The following ZMYM4 variants were observed in gnomAD, a reference collection of about 807,000 sequenced individuals.
The protein encoded by ZMYM4 is zinc finger MYM-type containing 4, also known as zinc finger MYM-type protein 4.
A neutral mutation model predicts 183.2 loss-of-function variants in ZMYM4; 31 were observed. The observed-to-expected ratio is 0.17, with a 90% CI of 0.13 to 0.23. ZMYM4 has a LOEUF of 0.23. Among genes scored for constraint, ZMYM4 ranks in the 10% least tolerant of loss-of-function variants. The probability of loss-of-function intolerance (pLI) is 1.00; values close to 1 mark genes in which losing one functional copy is unlikely to be tolerated. For missense variants in ZMYM4, 1,273 were observed against 1,840.3 expected, an observed-to-expected ratio of 0.69 and a Z score of 5.64; for synonymous variants, 592 against 631.2, an observed-to-expected ratio of 0.94 and a Z score of 0.93.
At chr1:35,326,641 G>A (rs1642514661) in intron 2 of ZMYM4, among the ~76,000 whole-genome samples, 1 of 152,158 alleles carries the variant, frequency 6.6e-6, no homozygotes, top group Non-Finnish European at 1.5e-5. Flanking sequence ...CAGGGCACAA[G>A]GCAGGAACCA....
chr1:35,352,675 C>T (rs1218726536), intron 2 of ZMYM4, among the ~76,000 whole-genome samples: 2 of 152,072 alleles, frequency 1.3e-5, no homozygotes, highest in Non-Finnish European at 2.9e-5. Flanking sequence ...TCAGGCACTC[C>T]CTCCTATTTT....
At chr1:35,371,279 C>A (rs928416814) in intron 7 of ZMYM4, among the ~76,000 whole-genome samples, 1 of 152,004 alleles carries the variant, frequency 6.6e-6, no homozygotes, top group Admixed American at 6.6e-5. Context: ...CCATGCCCAG[C>A]TAATTTTTTC....
At chr1:35,284,205 T>C (rs1034768513) in intron 1 of ZMYM4, among the ~76,000 whole-genome samples, 1 of 151,840 alleles carries the variant, frequency 6.6e-6, no homozygotes, top group Non-Finnish European at 1.5e-5. Context: ...CTCGATCTCC[T>C]GACCTCATGA....
intron 1 of ZMYM4, among the ~76,000 whole-genome samples, chr1:35,282,267 T>G (rs1640212757): frequency 6.6e-6 from 1 of 152,202 alleles, no homozygotes; most frequent in Non-Finnish European, 1.5e-5. Context: ...ACTGCCCTAA[T>G]GAGTTGTTAC....
intron 1 of ZMYM4, among the ~76,000 whole-genome samples, chr1:35,272,163 T>G (rs970084448): frequency 6.6e-6 from 1 of 152,186 alleles, no homozygotes; most frequent in Non-Finnish European, 1.5e-5. Flanking sequence ...CAGTACCATG[T>G]CTTTGGAAAT....
intron 18 of ZMYM4, among the ~76,000 whole-genome samples, chr1:35,394,592 G>A (rs1644774662): frequency 6.6e-6 from 1 of 152,146 alleles, no homozygotes; most frequent in African/African-American, 2.4e-5. Flanking sequence ...GTCAAGCTGA[G>A]CTGAATTGAG....
In ZMYM4 at chr1:35,268,750, C is replaced by T. The variant is rs1034120686; in HGVS notation, c.-297C>T. On this transcript the variant is annotated 5_prime_UTR_variant, in exon 1 of 30. Coordinates refer to ENST00000314607, the MANE Select transcript of ZMYM4 (RefSeq NM_005095.3). ...TAAGAAACCGCAGGCGGAGGAATTTCTCTGAGAGAAAATAATCCTACTCAC... is the reference window on the plus strand; with the variant it reads ...TAAGAAACCGCAGGCGGAGGAATTTTTCTGAGAGAAAATAATCCTACTCAC... Among the ~76,000 whole-genome samples, 3 of 152,182 alleles carry T rather than the reference C, an allele frequency of 2.0e-5. No homozygotes were observed. The highest frequency in any genetic ancestry group is 7.2e-5 in the African/African-American group (3 of 41,458).
intron 1 of ZMYM4, among the ~76,000 whole-genome samples, chr1:35,278,725 C>A (rs1640001592): frequency 6.6e-6 from 1 of 152,100 alleles, no homozygotes; most frequent in Admixed American, 6.6e-5. Flanking sequence ...CCAGCTACAG[C>A]ATGAACTCTT....
intron 7 of ZMYM4, among the ~76,000 whole-genome samples, chr1:35,373,101 G>T (rs1433596495): frequency 1.3e-5 from 2 of 152,054 alleles, no homozygotes; most frequent in African/African-American, 4.8e-5. Context: ...AGAGGTTGCA[G>T]TGAGCCAAGA....
At chr1:35,271,949 G>C (rs530821847) in intron 1 of ZMYM4, among the ~76,000 whole-genome samples, 1 of 152,050 alleles carries the variant, frequency 6.6e-6, no homozygotes, top group South Asian at 2.1e-4. Context: ...GGTGACAGAG[G>C]GAAACCCCCT....
At chr1:35,417,238 CAAAA>C (rs755183094) in intron 28 of ZMYM4, among the ~76,000 whole-genome samples, 4 of 83,526 alleles carry the variant, frequency 4.8e-5, no homozygotes, top group Admixed American at 1.3e-4. Context: ...CCCTGTCTCC[CAAAA>C]AAAAAAAAAA....
intron 1 of ZMYM4, among the ~76,000 whole-genome samples, chr1:35,303,077 C>T (rs1641362794): frequency 6.6e-6 from 1 of 150,752 alleles, no homozygotes; most frequent in South Asian, 2.1e-4. Flanking sequence ...GAGTTCGAGT[C>T]CAACCTGGGA....
At chr1:35,364,371 A>G (rs1276703693) in intron 5 of ZMYM4, among the ~76,000 whole-genome samples, 1 of 152,170 alleles carries the variant, frequency 6.6e-6, no homozygotes, top group Non-Finnish European at 1.5e-5. Flanking sequence ...TACCAGTCCT[A>G]TAGGATCAGA....
chr1:35,352,638 A>G (rs1643670769), intron 2 of ZMYM4, among the ~76,000 whole-genome samples: 1 of 152,158 alleles, frequency 6.6e-6, no homozygotes, highest in Non-Finnish European at 1.5e-5. Context: ...TCATTTTATC[A>G]GTCATCTCAG....
intron 19 of ZMYM4, chr1:35,397,166 A>G (rs1297178030): frequency 2.7e-6 from 3 of 1,115,170 alleles, no homozygotes; most frequent in African/African-American, 3.2e-5. Flanking sequence ...ATTCAGAGAC[A>G]TAATTGGTTG....
In ZMYM4 at chr1:35,421,820, AC is replaced by A. The variant is rs1458377894; in HGVS notation, c.*2144del. 1 of 152,186 alleles carries A rather than the reference AC, an allele frequency of 6.6e-6. No individual in the cohort carries two copies. Among genetic ancestry groups the A allele is most frequent in the Admixed American group, 6.5e-5 (1 of 15,280 alleles). 9.4% of individuals were successfully genotyped at this position (152,186 alleles called of 1,614,324 possible). A position where few individuals can be genotyped will look rare whatever the true frequency, so the allele number is the denominator to read the frequency against. On this transcript the variant is annotated 3_prime_UTR_variant, in exon 30 of 30. Transcript: ENST00000314607. Reference sequence around the variant, plus strand: ...CATTTTTTTTCCAGGGGAGAAAAAAACATCAAACAAAAACATCTAAATCATC... The same window carrying A: ...CATTTTTTTTCCAGGGGAGAAAAAAAATCAAACAAAAACATCTAAATCATC...
chr1:35,275,250 CT>C (rs964744698), intron 1 of ZMYM4, among the ~76,000 whole-genome samples: 1 of 150,554 alleles, frequency 6.6e-6, no homozygotes, highest in Non-Finnish European at 1.5e-5. Context: ...TTTTTCTTTT[CT>C]TTTTTTTTGA....
chr1:35,413,767 T>C (rs978939814), intron 26 of ZMYM4, among the ~76,000 whole-genome samples: 7 of 152,216 alleles, frequency 4.6e-5, no homozygotes, highest in Admixed American at 3.3e-4. Context: ...AGGTCAGTGC[T>C]GAAGATAATG....
At chr1:35,366,293 GA>G (rs1371778275) in intron 5 of ZMYM4, among the ~76,000 whole-genome samples, 1 of 152,072 alleles carries the variant, frequency 6.6e-6, no homozygotes, top group Non-Finnish European at 1.5e-5. Context: ...TCATAGTAAG[GA>G]ACTACTACTT....
Sources: gnomAD v4.1 joint callset for allele counts (sites outside exome capture counted in the v4.1 genomes callset) on GRCh38, gnomAD v4.1.1 for gene constraint, MANE v1.5 for transcripts, NCBI Gene and HGNC (gene_info 2026-07-23, HGNC 2026-07-21) for gene names.